The following DPP10 variants were observed in gnomAD, a reference collection of about 807,000 sequenced individuals.
DPP10 encodes the protein inactive dipeptidyl peptidase 10.
A neutral mutation model predicts 120.9 loss-of-function variants in DPP10; 33 were observed. The ratio of observed to expected loss-of-function variants is 0.27; its 90% confidence interval spans 0.21 to 0.37. The LOEUF (loss-of-function observed/expected upper bound fraction) is 0.37. DPP10 is among the 10% of genes least tolerant of loss of function. DPP10 has a pLI of 1.00. For missense variants in DPP10, 816 were observed against 942.8 expected, an observed-to-expected ratio of 0.87 and a Z score of 1.76; for synonymous variants, 337 against 326.1, an observed-to-expected ratio of 1.03 and a Z score of -0.36.
chr2:115,762,494 C>A, intron 11 of DPP10, 78 bp from the exon 12 acceptor site: 1 of 1,477,112 alleles, frequency 6.8e-7, no homozygotes, highest in Non-Finnish European at 9.4e-7. Context: ...AACTGATAAC[C>A]GTGTTTTAAA....
chr2:115,238,458 G>T (rs1222703014), intron 1 of DPP10, among the ~76,000 whole-genome samples: 2 of 152,202 alleles, frequency 1.3e-5, no homozygotes, highest in African/African-American at 2.4e-5. Flanking sequence ...TCATTGTACA[G>T]CCCTTGAGTT....
rs537447981 is a variant in DPP10 at position 115,421,563 on chromosome 2, G to A, written c.271+77651G>A. Among the ~76,000 whole-genome samples, 68 of 152,110 alleles carry A rather than the reference G, an allele frequency of 4.5e-4. 1 individual carries two copies. The highest frequency in any genetic ancestry group is 2.4e-3 in the Admixed American group (36 of 15,270). On this transcript the variant is annotated intron_variant, in intron 3 of 25. Transcript: ENST00000410059. ...GAGGGACTAAATGAAATATAAATTC[G>A]TAATATTTTTTATACCTATAAAAAT... is the stretch of plus-strand genomic sequence containing the variant.
At chr2:115,785,416 G>A (rs1210673947) in intron 17 of DPP10, among the ~76,000 whole-genome samples, 1 of 152,142 alleles carries the variant, frequency 6.6e-6, no homozygotes, top group Middle Eastern at 3.2e-3. Context: ...ATTAGTAGCA[G>A]CTCTTCTTTA....
At chr2:115,587,688 A>G (rs190258431) in intron 5 of DPP10, among the ~76,000 whole-genome samples, 43 of 152,326 alleles carry the variant, frequency 2.8e-4, no homozygotes, top group Admixed American at 2.5e-3. Context: ...TAGTCTATGT[A>G]TATACAATGG....
chr2:114,870,141 T>A (rs186997777), intron 1 of DPP10, among the ~76,000 whole-genome samples: 1 of 152,316 alleles, frequency 6.6e-6, no homozygotes. Context: ...GCACATGATT[T>A]TTGTTCTTTA....
chr2:114,653,230 G>C (rs1696737288), intron 1 of DPP10, among the ~76,000 whole-genome samples: 3 of 152,012 alleles, frequency 2.0e-5, no homozygotes, highest in Admixed American at 6.5e-5. Context: ...TAATTCCAAG[G>C]CTAACTGTCC....
intron 5 of DPP10, among the ~76,000 whole-genome samples, chr2:115,529,167 T>A (rs1391516375): frequency 6.6e-6 from 1 of 152,102 alleles, no homozygotes; most frequent in Non-Finnish European, 1.5e-5. Context: ...GGCAAATTTT[T>A]TTTTTTTCCG....
intron 1 of DPP10, among the ~76,000 whole-genome samples, chr2:115,107,422 CTTTTTT>C (rs59046305): frequency 6.7e-5 from 4 of 59,868 alleles, no homozygotes; most frequent in Non-Finnish European, 1.2e-4. Context: ...TTGGTTATAG[CTTTTTT>C]TTTTTTTTTT....
intron 5 of DPP10, among the ~76,000 whole-genome samples, chr2:115,569,502 G>A (rs374812181): frequency 6.6e-6 from 1 of 152,164 alleles, no homozygotes; most frequent in African/African-American, 2.4e-5. Flanking sequence ...AGAAGGACAA[G>A]AATTAATACA....
At chr2:115,600,821 C>A (rs1462049316) in intron 5 of DPP10, among the ~76,000 whole-genome samples, 1 of 152,186 alleles carries the variant, frequency 6.6e-6, no homozygotes, top group Admixed American at 6.5e-5. Flanking sequence ...AATAATCTAT[C>A]AGCAGATACC....
At chr2:114,696,308 A>G (rs993094868) in intron 1 of DPP10, among the ~76,000 whole-genome samples, 3 of 152,106 alleles carry the variant, frequency 2.0e-5, no homozygotes, top group Non-Finnish European at 2.9e-5. Context: ...TGCCTCTAAA[A>G]TGATCTGAAA....
chr2:115,390,642 G>GC (rs1167776886), intron 3 of DPP10, among the ~76,000 whole-genome samples: 2 of 152,036 alleles, frequency 1.3e-5, no homozygotes, highest in African/African-American at 2.4e-5. Flanking sequence ...AATGAATTTT[G>GC]CCCCCCTCAA....
At chr2:115,791,212 A>G (rs1469028279) in intron 18 of DPP10, 33 bp downstream of exon 18, 3 of 1,607,662 alleles carry the variant, frequency 1.9e-6, no homozygotes, top group Non-Finnish European at 8.5e-7. Flanking sequence ...TTATTCAAGA[A>G]CAACTTTCTC....
chr2:114,481,816 G>C (rs996802814), intron 1 of DPP10, among the ~76,000 whole-genome samples: 21 of 151,932 alleles, frequency 1.4e-4, no homozygotes, highest in African/African-American at 5.1e-4. Context: ...GAGACCCCTG[G>C]AAACTTATAA....
chr2:115,151,714 A>AG lies in DPP10; in HGVS notation c.61-157525_61-157524insG, dbSNP rs1559150745. Among the ~76,000 whole-genome samples, 218 of 140,734 alleles carry AG rather than the reference A, an allele frequency of 1.5e-3. 2 individuals carry two copies. Among genetic ancestry groups the AG allele is most frequent in the African/African-American group, 5.8e-3 (204 of 34,952 alleles). 92.3% of individuals were successfully genotyped at this position (140,734 alleles called of 152,430 possible). On this transcript the variant is annotated intron_variant, in intron 1 of 25. Transcript: ENST00000410059. Reference sequence around the variant, plus strand: ...GAGCCACCGCGCCCAGTCAGTATTGAATTTTTTTTTTTTTTTTTTAAATCC... The same window carrying AG: ...GAGCCACCGCGCCCAGTCAGTATTGAGATTTTTTTTTTTTTTTTTTAAATCC...
chr2:114,733,119 G>A (rs1677078596), intron 1 of DPP10, among the ~76,000 whole-genome samples: 1 of 152,184 alleles, frequency 6.6e-6, no homozygotes, highest in Admixed American at 6.5e-5. Context: ...GAGGTAGGTG[G>A]TGCGAGAAGG....
intron 5 of DPP10, among the ~76,000 whole-genome samples, chr2:115,568,554 T>TC (rs1329337826): frequency 2.1e-3 from 1 of 480 alleles, no homozygotes; most frequent in Non-Finnish European, 0.022. Flanking sequence ...GAGGTTGATC[T>TC]TTTTTTTTTT....
At chr2:115,435,076 A>T (rs1198122713) in intron 3 of DPP10, among the ~76,000 whole-genome samples, 3 of 149,062 alleles carry the variant, frequency 2.0e-5, no homozygotes, top group Admixed American at 1.3e-4. Flanking sequence ...ATATATATGT[A>T]TCACATTTCT....
intron 1 of DPP10, among the ~76,000 whole-genome samples, chr2:114,523,688 G>A (rs1253853169): frequency 1.3e-5 from 2 of 152,218 alleles, no homozygotes; most frequent in Non-Finnish European, 2.9e-5. Flanking sequence ...TGTGGAAGTT[G>A]TTTCAGCATG....
Sources: allele counts gnomAD v4.1 joint callset (sites outside exome capture counted in the v4.1 genomes callset), GRCh38; gene constraint gnomAD v4.1.1; transcripts MANE v1.5; gene names NCBI Gene and HGNC (gene_info 2026-07-23, HGNC 2026-07-21).